Variants in PRSS12 observed in about 807,000 individuals in gnomAD.
PRSS12 encodes the protein neurotrypsin.
In PRSS12, 85 loss-of-function variants were observed where a neutral mutation model predicts 104.4. The ratio of observed to expected loss-of-function variants is 0.81; its 90% CI spans 0.68 to 0.98. The LOEUF is 0.98. Among genes scored for constraint, PRSS12 ranks in the 50% least tolerant of loss-of-function variants. PRSS12 has a pLI of 0.00. For missense variants in PRSS12, 1,141 were observed against 1,139.2 expected (o/e 1.00, Z -0.02); for synonymous variants, 454 against 425.2 (o/e 1.07, Z -0.83).
At chr4:118,313,464 T>A in intron 6 of PRSS12, 67 bp from the exon 7 acceptor site, 1 of 1,516,404 alleles carries the variant, frequency 6.6e-7, no homozygotes, top group African/African-American at 1.4e-5. Flanking sequence ...CACAAAACAT[T>A]TAACACAAGC....
chr4:118,289,571 G>A (rs1743086210), intron 11 of PRSS12, among the ~76,000 whole-genome samples: 1 of 152,124 alleles, frequency 6.6e-6, no homozygotes, highest in South Asian at 2.1e-4. Context: ...TCTCTATTTT[G>A]CAAATTTCAG....
rs1221206499 is a variant in PRSS12 at position 118,316,451 on chromosome 4, T to A, written c.1151-128A>T. 1.9e-5 allele frequency: 22 copies of A among 1,150,936 alleles called. No individual in the cohort carries two copies. The East Asian group carries it at 5.5e-4, about 29-fold the overall frequency. The allele number at this position is 1,150,936 out of a possible 1,614,324, so 71.3% of individuals were successfully genotyped here. A position where few individuals can be genotyped will look rare whatever the true frequency, so the allele number is the denominator to read the frequency against. On this transcript the variant is annotated intron_variant, in intron 5 of 12. Coordinates refer to ENST00000296498, the MANE Select transcript of PRSS12 (RefSeq NM_003619.4). ...TCTAGGCCTTTTGCTAAACTTACAT[T>A]ACATCTGTGCTAAATGACCCTCTGA...
chr4:118,346,946 C>CGCACACATGCGTGTGCATGCAT (rs1158606934), intron 1 of PRSS12, among the ~76,000 whole-genome samples: 1 of 152,110 alleles, frequency 6.6e-6, no homozygotes, highest in Non-Finnish European at 1.5e-5. Context: ...AACACATAGG[C>CGCACACATGCGTGTGCATGCAT]GCACACATGC....
At chr4:118,349,153 A>G (rs1368350348) in intron 1 of PRSS12, among the ~76,000 whole-genome samples, 1 of 152,156 alleles carries the variant, frequency 6.6e-6, no homozygotes, top group Non-Finnish European at 1.5e-5. Context: ...TCTCAATGCA[A>G]TGAAATATGT....
In PRSS12 at chr4:118,282,859, G is replaced by T. The variant is rs1370999967; in HGVS notation, c.2292C>A (p.Asn764Lys). Residue 764 changes from asparagine (N) to lysine (K), a missense_variant, in exon 12 of 13, where the codon AAC (asparagine) becomes AAA (lysine). By Grantham distance (94) the Asn-to-Lys change is moderately conservative. Coordinates refer to ENST00000296498, the MANE Select transcript of PRSS12 (RefSeq NM_003619.4). ...TGTCACCCCATCCTGTTATGTAACAGTTGGATGCTGTTTTCTGTGGCCTCT... is the reference window on the plus strand; with the variant it reads ...TGTCACCCCATCCTGTTATGTAACATTTGGATGCTGTTTTCTGTGGCCTCT... ...WRERPQKTAS[N>K]CYITGWGDTG... is the part of the protein sequence containing the mutation. The T allele has an allele frequency of 9.3e-6, 15 of 1,614,172 alleles. No homozygotes were observed. Among genetic ancestry groups the T allele is most frequent in the Non-Finnish European group, 1.3e-5 (15 of 1,180,028 alleles).
chr4:118,351,652 G>A (rs775933855), intron 1 of PRSS12, among the ~76,000 whole-genome samples: 4 of 152,066 alleles, frequency 2.6e-5, no homozygotes, highest in African/African-American at 9.7e-5. Context: ...ATACTGAGCT[G>A]GAGTATGTGA....
rs1742864228 is a variant in PRSS12, at chr4:118,281,834, A to G, written c.*102T>C. 1.0e-5 allele frequency: 8 copies of G among 773,740 alleles called. No individual in the cohort carries two copies. In the African/African-American group the frequency reaches 1.4e-4, roughly 13 times the overall value. 47.9% of individuals were successfully genotyped at this position (773,740 alleles called of 1,614,324 possible). On this transcript the variant is annotated 3_prime_UTR_variant, in exon 13 of 13. Coordinates refer to ENST00000296498, the MANE Select transcript of PRSS12 (RefSeq NM_003619.4). ...CAATTTTTTACCACAACACAAAGCAAAAACAGATCTTGCCATTTGTTGTCA... is the reference window on the plus strand; with the variant it reads ...CAATTTTTTACCACAACACAAAGCAGAAACAGATCTTGCCATTTGTTGTCA...
chr4:118,299,799 AAAATAAAAT>A (rs1449265293), intron 8 of PRSS12, among the ~76,000 whole-genome samples: 2,186 of 111,152 alleles, frequency 0.02, 60 homozygotes, highest in East Asian at 0.032. Flanking sequence ...TAAAATAAAT[AAAATAAAAT>A]AAATAAAATA....
intron 5 of PRSS12, among the ~76,000 whole-genome samples, chr4:118,316,823 C>CG (rs1162878279): frequency 1.2e-3 from 20 of 16,786 alleles, no homozygotes; most frequent in Non-Finnish European, 5.2e-3. Context: ...CTCCGTCTCA[C>CG]GGAAAAAAAA....
intron 3 of PRSS12, 57 bp downstream of exon 3, chr4:118,335,416 G>A (rs1178144530): frequency 3.8e-6 from 6 of 1,577,274 alleles, no homozygotes; most frequent in Non-Finnish European, 5.2e-6. Context: ...TCATCATCTG[G>A]AATCACGTTT....
chr4:118,325,199 G>A (rs77741476), intron 4 of PRSS12, among the ~76,000 whole-genome samples: 18,329 of 151,782 alleles, frequency 0.12, 1,529 homozygotes, highest in South Asian at 0.2. Flanking sequence ...GAACACACAT[G>A]GACATAAATG....
chr4:118,348,796 C>T (rs1724418479), intron 1 of PRSS12, among the ~76,000 whole-genome samples: 1 of 152,040 alleles, frequency 6.6e-6, no homozygotes, highest in Non-Finnish European at 1.5e-5. Context: ...GGATTACATG[C>T]ATGTGCCACC....
chr4:118,285,749 T>C (rs1487620210), intron 11 of PRSS12, among the ~76,000 whole-genome samples: 1 of 152,218 alleles, frequency 6.6e-6, no homozygotes, highest in Non-Finnish European at 1.5e-5. Context: ...GCAATGATAA[T>C]ATTTTAGATA....
intron 4 of PRSS12, among the ~76,000 whole-genome samples, chr4:118,329,768 C>T (rs547894303): frequency 2.0e-5 from 3 of 152,200 alleles, no homozygotes; most frequent in African/African-American, 7.2e-5. Context: ...TTAAGAAATA[C>T]GTTATAGATG....
chr4:118,296,166 A>T (rs1743250650), intron 9 of PRSS12, among the ~76,000 whole-genome samples: 1 of 152,218 alleles, frequency 6.6e-6, no homozygotes, highest in African/African-American at 2.4e-5. Context: ...TATTTGGTGT[A>T]ATGTATGGAA....
chr4:118,305,069 T>A (rs1335316907), intron 8 of PRSS12, among the ~76,000 whole-genome samples: 1 of 150,710 alleles, frequency 6.6e-6, no homozygotes, highest in African/African-American at 2.4e-5. Context: ...GAAAAAAAGA[T>A]CCTCGGCACT....
intron 1 of PRSS12, among the ~76,000 whole-genome samples, chr4:118,338,951 T>C (rs1213307276): frequency 6.6e-6 from 1 of 152,066 alleles, no homozygotes. Context: ...CTTGGAAAAA[T>C]AGCCACTAGG....
chr4:118,344,502 T>C (rs1392451321), intron 1 of PRSS12, among the ~76,000 whole-genome samples: 2 of 152,182 alleles, frequency 1.3e-5, no homozygotes, highest in Non-Finnish European at 2.9e-5. Context: ...GTATATTTTA[T>C]TCAAGTCATC....
intron 4 of PRSS12, among the ~76,000 whole-genome samples, chr4:118,326,031 C>T (rs1215604255): frequency 6.6e-6 from 1 of 152,116 alleles, no homozygotes; most frequent in Admixed American, 6.5e-5. Flanking sequence ...TTGTTTCCCC[C>T]TTACATACAC....
Sources: gnomAD v4.1 joint callset for allele counts (sites outside exome capture counted in the v4.1 genomes callset) on GRCh38, gnomAD v4.1.1 for gene constraint, MANE v1.5 for transcripts, NCBI Gene and HGNC (gene_info 2026-07-23, HGNC 2026-07-21) for gene names.